Variants in OTOA observed in about 807,000 individuals in gnomAD.
OTOA encodes otoancorin.
Under a neutral mutation model 110.8 loss-of-function variants are expected in OTOA, and 70 were observed. That is an observed-to-expected ratio of 0.63 (90% CI 0.52 to 0.77). The LOEUF is 0.77. Ranked by LOEUF, OTOA falls within the 30% of genes least tolerant of loss-of-function variation. The pLI, the probability that OTOA is intolerant of heterozygous loss-of-function variation, is 0.00. For synonymous variants in OTOA, 373 were observed against 431.5 expected (o/e 0.86, Z 1.68); for missense variants, 917 against 1,075.8 (o/e 0.85, Z 2.06).
At chr16:21,679,545 C>T (rs1966873405) in intron 5 of OTOA, among the ~76,000 whole-genome samples, 1 of 152,026 alleles carries the variant, frequency 6.6e-6, no homozygotes, top group African/African-American at 2.4e-5. Flanking sequence ...GCTGGGGTAA[C>T]AGGTACCTGT....
chr16:21,752,887 C>CA (rs1316045129), intron 26 of OTOA, 140 bp from the exon 27 acceptor site: 1 of 619,796 alleles, frequency 1.6e-6, no homozygotes, highest in Non-Finnish European at 3.0e-6. Flanking sequence ...CTTGATTCCC[C>CA]AGTGTGATTT....
At chr16:21,703,509 A>AAAT (rs1898093315) in intron 11 of OTOA, among the ~76,000 whole-genome samples, 1 of 152,152 alleles carries the variant, frequency 6.6e-6, no homozygotes, top group Non-Finnish European at 1.5e-5. Flanking sequence ...ATTAAAAAAA[A>AAAT]AATCCATTCA....
At chr16:21,714,328 CCTTCCTTTCTTT>C (rs1898461138) in intron 13 of OTOA, among the ~76,000 whole-genome samples, 2 of 128,990 alleles carry the variant, frequency 1.6e-5, no homozygotes, top group African/African-American at 5.5e-5. Context: ...TTCCTTCCTT[CCTTCCTTTCTTT>C]CTTTCTTTCT....
chr16:21,684,386 T>A (rs561310139), intron 6 of OTOA: 1 of 1,455,188 alleles, frequency 6.9e-7, no homozygotes, highest in African/African-American at 1.4e-5. Flanking sequence ...GGCTGATGGC[T>A]TCTGCTCCTT....
rs1897979359 is a variant in OTOA, at chr16:21,698,013, G to A, written c.840+138G>A. 1.1e-5 allele frequency: 8 copies of A among 732,508 alleles called. No individual in the cohort carries two copies. In the East Asian group the frequency reaches 2.2e-4, roughly 20 times the overall value. 45.4% of individuals were successfully genotyped at this position (732,508 alleles called of 1,614,324 possible). A position where few individuals can be genotyped will look rare whatever the true frequency, so the allele number is the denominator to read the frequency against. ...CCCTCCTCAGCCCAATAGACCTTGG[G>A]CCTCTGAAGAAAACTATTGGAAGAA... On this transcript the variant is annotated intron_variant, in intron 10 of 28. Transcript: ENST00000646100.
At chr16:21,716,793 A>T in intron 14 of OTOA, 114 bp from the exon 15 acceptor site, 1 of 1,237,038 alleles carries the variant, frequency 8.1e-7, no homozygotes, top group East Asian at 2.3e-5. Flanking sequence ...TCCACTTCCT[A>T]GGGTTGCTGA....
intron 21 of OTOA, among the ~76,000 whole-genome samples, chr16:21,733,743 T>C (rs1899190706): frequency 6.6e-6 from 1 of 151,512 alleles, no homozygotes; most frequent in Non-Finnish European, 1.5e-5. Context: ...ACCCAGGATG[T>C]TGAGACAACC....
In OTOA at chr16:21,715,084, C is replaced by G. The variant is rs1812809121; in HGVS notation, c.1420C>G (p.Leu474Val). 2 of 1,614,104 alleles carry G rather than the reference C, an allele frequency of 1.2e-6. No homozygotes were observed. Among genetic ancestry groups the G allele is most frequent in the Non-Finnish European group, 1.7e-6 (2 of 1,180,046 alleles). ...SMKRKDISQV[L>V]RSAVSQYVSD... ...GAAACGCAAGGACATCTCGCAGGTC[C>G]TGAGAAGTGCCGTCTCCCAGTATGT... Residue 474 changes from leucine to valine, a missense_variant, in exon 14 of 29, where the codon CTG becomes GTG. Leu to Val is a conservative substitution (Grantham distance 32, BLOSUM62 1). Transcript: ENST00000646100.
intron 15 of OTOA, among the ~76,000 whole-genome samples, chr16:21,717,595 G>A (rs1352980537): frequency 2.0e-5 from 3 of 152,176 alleles, no homozygotes; most frequent in Non-Finnish European, 4.4e-5. Flanking sequence ...TGCCACCTGG[G>A]CTGTGTACTG....
intron 13 of OTOA, among the ~76,000 whole-genome samples, chr16:21,712,958 TTTC>T (rs1898405893): frequency 6.7e-6 from 1 of 149,884 alleles, no homozygotes; most frequent in African/African-American, 2.5e-5. Context: ...AACTGGGGGG[TTTC>T]TTCTTCTTTT....
intron 11 of OTOA, 135 bp downstream of exon 11, chr16:21,701,162 C>T: frequency 7.4e-7 from 1 of 1,351,608 alleles, no homozygotes; most frequent in Non-Finnish European, 1.0e-6. Context: ...CCATATTTCT[C>T]TGTGCATGTG....
intron 24 of OTOA, among the ~76,000 whole-genome samples, chr16:21,750,044 C>T (rs1899779830): frequency 6.6e-6 from 1 of 152,218 alleles, no homozygotes; most frequent in Non-Finnish European, 1.5e-5. Context: ...TCAGGTCCTA[C>T]ATAGGTAGAT....
intron 13 of OTOA, among the ~76,000 whole-genome samples, chr16:21,714,247 TC>T (rs1567383999): frequency 5.5e-5 from 5 of 91,082 alleles, no homozygotes; most frequent in African/African-American, 1.4e-4. Context: ...TTCCTTTCTT[TC>T]TTTTTTCTTT....
chr16:21,734,205 A>G (rs2141728566), intron 21 of OTOA, among the ~76,000 whole-genome samples: 1 of 150,342 alleles, frequency 6.7e-6, no homozygotes. Flanking sequence ...AAAGAATGAG[A>G]TCGTGTTCTT....
intron 11 of OTOA, among the ~76,000 whole-genome samples, chr16:21,701,719 A>G (rs1256069368): frequency 2.0e-5 from 3 of 151,916 alleles, no homozygotes; most frequent in Admixed American, 1.3e-4. Flanking sequence ...CCTGGGTTCA[A>G]GCAATCCTCA....
chr16:21,671,429 A>C (rs1211732553), intron 1 of OTOA, among the ~76,000 whole-genome samples: 3 of 151,792 alleles, frequency 2.0e-5, no homozygotes, highest in Admixed American at 6.6e-5. Flanking sequence ...TCTACTAAAA[A>C]TACAAAACTT....
intron 1 of OTOA, among the ~76,000 whole-genome samples, chr16:21,673,072 C>A (rs780122337): frequency 6.6e-6 from 1 of 152,128 alleles, no homozygotes; most frequent in Non-Finnish European, 1.5e-5. Context: ...CACTTGAACA[C>A]AGGAGTTCAA....
intron 28 of OTOA, among the ~76,000 whole-genome samples, chr16:21,758,176 A>G (rs1313001896): frequency 6.6e-6 from 1 of 151,848 alleles, no homozygotes; most frequent in Non-Finnish European, 1.5e-5. Flanking sequence ...CCTTTCTTAC[A>G]GCTCTCCCCA....
At chr16:21,697,940 A>G in intron 10 of OTOA, 65 bp downstream of exon 10, 1 of 1,378,882 alleles carries the variant, frequency 7.3e-7, no homozygotes, top group Middle Eastern at 1.8e-4. Flanking sequence ...GTGTATTCTC[A>G]AACTCTAATG....
Sources: allele counts gnomAD v4.1 joint callset (sites outside exome capture counted in the v4.1 genomes callset), GRCh38; gene constraint gnomAD v4.1.1; transcripts MANE v1.5; gene names NCBI Gene and HGNC (gene_info 2026-07-23, HGNC 2026-07-21).